The following IKZF2 variants were observed in gnomAD, a reference collection of about 807,000 sequenced individuals.
IKZF2 encodes the protein zinc finger protein Helios.
A neutral mutation model predicts 49.2 loss-of-function variants in IKZF2; 15 were observed. That is an observed-to-expected ratio of 0.30 (90% CI 0.20 to 0.47). The LOEUF (loss-of-function observed/expected upper bound fraction) is 0.47, where lower values mean the gene tolerates loss of function less well. IKZF2 is among the 20% of genes least tolerant of loss of function. The probability of loss-of-function intolerance (pLI) is 1.00; values close to 1 mark genes in which losing one functional copy is unlikely to be tolerated. For synonymous variants in IKZF2, 227 were observed against 221.4 expected (o/e 1.03, Z -0.23); for missense variants, 567 against 664.6 (o/e 0.85, Z 1.61).
At chr2:213,129,187 C>A (rs367553261) in intron 4 of IKZF2, among the ~76,000 whole-genome samples, 3 of 151,618 alleles carry the variant, frequency 2.0e-5, no homozygotes, top group East Asian at 3.9e-4. Context: ...CATGAATGAA[C>A]AAGCCAAATG....
At chr2:213,133,380 T>C (rs2060536678) in intron 4 of IKZF2, among the ~76,000 whole-genome samples, 1 of 152,164 alleles carries the variant, frequency 6.6e-6, no homozygotes, top group Admixed American at 6.5e-5. Flanking sequence ...TCCCACTTCT[T>C]TATATACCAC....
intron 4 of IKZF2, among the ~76,000 whole-genome samples, chr2:213,061,813 A>C (rs1382592523): frequency 6.6e-6 from 1 of 151,648 alleles, no homozygotes; most frequent in African/African-American, 2.4e-5. Flanking sequence ...ATGGCCATAA[A>C]AGAGTTCATG....
chr2:213,017,198 G>C (rs929483032), intron 7 of IKZF2, among the ~76,000 whole-genome samples: 1 of 151,880 alleles, frequency 6.6e-6, no homozygotes, highest in Admixed American at 6.6e-5. Flanking sequence ...GTGTGTTCTT[G>C]GCCTTCTTGA....
intron 4 of IKZF2, among the ~76,000 whole-genome samples, chr2:213,064,345 T>C (rs1184783913): frequency 1.3e-5 from 2 of 152,024 alleles, no homozygotes; most frequent in East Asian, 1.9e-4. Context: ...GAGTTGGTAA[T>C]GTAGAATTTT....
intron 4 of IKZF2, among the ~76,000 whole-genome samples, chr2:213,067,190 T>C (rs1004245980): frequency 6.6e-6 from 1 of 152,058 alleles, no homozygotes; most frequent in African/African-American, 2.4e-5. Context: ...AATAAAATTG[T>C]ATAAACAATA....
chr2:213,113,158 T>C (rs187064633), intron 4 of IKZF2, among the ~76,000 whole-genome samples: 1 of 152,292 alleles, frequency 6.6e-6, no homozygotes, highest in Admixed American at 6.5e-5. Flanking sequence ...AGATAACCAG[T>C]AAATATTAGC....
chr2:213,133,322 A>C (rs1282790527), intron 4 of IKZF2, among the ~76,000 whole-genome samples: 1 of 152,236 alleles, frequency 6.6e-6, no homozygotes, highest in Non-Finnish European at 1.5e-5. Flanking sequence ...CTGAGCTTCC[A>C]AGAGATAAAA....
rs1391947190 is a variant in IKZF2 at position 213,124,250 on chromosome 2, GCGCACACACACACACA to G, written c.139+23442_139+23457del. On this transcript the variant is annotated intron_variant, in intron 4 of 8. Transcript: ENST00000434687. The stretch of plus-strand genomic sequence containing the variant: ...CACGCACACATGCGCTCGCGCGCGC[GCGCACACACACACACA>G]CACACACACACACACACACACACAC... Among the ~76,000 whole-genome samples, 367 of 93,560 alleles carry G rather than the reference GCGCACACACACACACA, an allele frequency of 3.9e-3. 7 individuals carry two copies. The highest frequency in any genetic ancestry group is 0.019 in the East Asian group (80 of 4,318). 61.4% of individuals were successfully genotyped at this position (93,560 alleles called of 152,430 possible). A position where few individuals can be genotyped will look rare whatever the true frequency, so the allele number is the denominator to read the frequency against.
At chr2:213,037,625 C>T (rs575534820) in intron 6 of IKZF2, among the ~76,000 whole-genome samples, 81 of 152,274 alleles carry the variant, frequency 5.3e-4, no homozygotes, top group Middle Eastern at 3.4e-3. Context: ...AAATATTAAT[C>T]CCATCTCCTT....
intron 4 of IKZF2, among the ~76,000 whole-genome samples, chr2:213,093,979 C>T (rs570713482): frequency 2.6e-5 from 4 of 152,150 alleles, no homozygotes; most frequent in South Asian, 2.1e-4. Flanking sequence ...GAAATATAAT[C>T]GAGATATAAC....
At chr2:213,023,746 T>C (rs1559174356) in intron 6 of IKZF2, among the ~76,000 whole-genome samples, 1 of 152,164 alleles carries the variant, frequency 6.6e-6, no homozygotes, top group South Asian at 2.1e-4. Context: ...ACAAGTTTAT[T>C]AACCAATTAA....
intron 4 of IKZF2, among the ~76,000 whole-genome samples, chr2:213,099,751 C>T (rs548549702): frequency 6.6e-6 from 1 of 152,014 alleles, no homozygotes; most frequent in Non-Finnish European, 1.5e-5. Context: ...GCTCAGTGAC[C>T]ATCAGCACAT....
intron 6 of IKZF2, among the ~76,000 whole-genome samples, chr2:213,025,018 C>T (rs940427842): frequency 2.6e-5 from 4 of 151,972 alleles, no homozygotes; most frequent in East Asian, 3.9e-4. Context: ...CCAACTGAAG[C>T]GGACTTTTTC....
intron 4 of IKZF2, among the ~76,000 whole-genome samples, chr2:213,091,612 A>G (rs1034899060): frequency 6.6e-6 from 1 of 152,186 alleles, no homozygotes; most frequent in African/African-American, 2.4e-5. Context: ...CGTCTGAAGA[A>G]GAAAGGAATT....
intron 6 of IKZF2, among the ~76,000 whole-genome samples, chr2:213,031,069 G>A (rs886345893): frequency 2.0e-5 from 3 of 152,010 alleles, no homozygotes; most frequent in Admixed American, 6.5e-5. Context: ...CAAGTGATCC[G>A]CCCGCCTCAG....
At chr2:213,133,014 G>T (rs1302018542) in intron 4 of IKZF2, among the ~76,000 whole-genome samples, 1 of 152,200 alleles carries the variant, frequency 6.6e-6, no homozygotes, top group Admixed American at 6.5e-5. Context: ...AAGTGATCCA[G>T]ATATGTTATG....
chr2:213,070,401 A>C (rs564028210), intron 4 of IKZF2, among the ~76,000 whole-genome samples: 1 of 152,132 alleles, frequency 6.6e-6, no homozygotes, highest in African/African-American at 2.4e-5. Flanking sequence ...CTTCCTTTAC[A>C]TATTAAAACT....
intron 4 of IKZF2, among the ~76,000 whole-genome samples, chr2:213,066,281 G>T (rs548454433): frequency 2.0e-5 from 3 of 152,174 alleles, no homozygotes; most frequent in Admixed American, 2.0e-4. Flanking sequence ...TCAACAGAAA[G>T]AGATAAGGAA....
At chr2:213,024,966 T>C (rs1697661136) in intron 6 of IKZF2, among the ~76,000 whole-genome samples, 1 of 152,100 alleles carries the variant, frequency 6.6e-6, no homozygotes, top group African/African-American at 2.4e-5. Context: ...TCACTACCTT[T>C]ATTTTTATAA....
Sources: allele counts gnomAD v4.1 joint callset (sites outside exome capture counted in the v4.1 genomes callset), GRCh38; gene constraint gnomAD v4.1.1; transcripts MANE v1.5; gene names NCBI Gene and HGNC (gene_info 2026-07-23, HGNC 2026-07-21).